FNDC3B: variants seen among roughly 807,000 people sequenced by gnomAD.
FNDC3B encodes the protein fibronectin type III domain containing 3B, also known as fibronectin type III domain-containing protein 3B.
FNDC3B carries 12 observed loss-of-function variants against 151.5 expected under a neutral mutation model. The observed-to-expected ratio is 0.08, with a 90% CI of 0.05 to 0.13. The LOEUF is 0.13. Ranked by LOEUF, FNDC3B falls within the 10% of genes least tolerant of loss-of-function variation. FNDC3B has a pLI of 1.00. For synonymous variants in FNDC3B, 528 were observed against 549.0 expected, an observed-to-expected ratio of 0.96 and a Z score of 0.54; for missense variants, 1,214 against 1,505.3, an observed-to-expected ratio of 0.81 and a Z score of 3.20.
intron 6 of FNDC3B, among the ~76,000 whole-genome samples, chr3:172,255,462 G>C (rs749730639): frequency 2.4e-4 from 37 of 152,166 alleles, no homozygotes; most frequent in Admixed American, 2.4e-3. Flanking sequence ...TAGAGATGGC[G>C]TTTCACCATG....
At chr3:172,358,947 A>G (rs1576944061) in intron 22 of FNDC3B, among the ~76,000 whole-genome samples, 1 of 118,698 alleles carries the variant, frequency 8.4e-6, no homozygotes, top group African/African-American at 3.3e-5. Context: ...ATGCTACCAC[A>G]GTTTTCTTGG....
chr3:172,217,526 A>G lies in FNDC3B; in HGVS notation c.188-9345A>G, dbSNP rs191369565. 9.6e-4 allele frequency among the ~76,000 whole-genome samples: 143 copies of G among 149,606 alleles called. 1 individual carries two copies. The highest frequency in any genetic ancestry group is 3.4e-3 in the African/African-American group (139 of 40,458). ...GTAGTTTGTTGTTTATGTATGTGTT[A>G]TAAAATCTTCTGTGTGACTTTCAAT... On this transcript the variant is annotated intron_variant, in intron 3 of 25. Coordinates refer to ENST00000415807, the MANE Select transcript of FNDC3B (RefSeq NM_022763.4).
Position 172,306,006 on chromosome 3 carries a change from C to A in FNDC3B, c.1062-1357C>A, listed in dbSNP as rs1013893996. ...TTGGATCAAATTTCATGCTGTCCTC[C>A]CATAAGGCAAATAGATCAAATATGT... On this transcript the variant is annotated intron_variant, in intron 9 of 25. Transcript: ENST00000415807. Among the ~76,000 whole-genome samples the A allele has an allele frequency of 2.8e-4, 42 of 152,114 alleles. 1 individual carries two copies. Among genetic ancestry groups the A allele is most frequent in the African/African-American group, 8.9e-4 (37 of 41,410 alleles).
chr3:172,332,371 C>G (rs377228925), intron 13 of FNDC3B, among the ~76,000 whole-genome samples: 214 of 152,366 alleles, frequency 1.4e-3, no homozygotes, highest in African/African-American at 4.9e-3. Context: ...AGTTCCACCA[C>G]TGTATCCTCC....
At chr3:172,239,055 T>TTA (rs1201850989) in intron 4 of FNDC3B, among the ~76,000 whole-genome samples, 117 of 86,056 alleles carry the variant, frequency 1.4e-3, no homozygotes, top group African/African-American at 6.3e-3. Flanking sequence ...ATTAATTTAT[T>TTA]TTTTTTTTTT....
At chr3:172,322,739 G>T (rs1221613118) in intron 11 of FNDC3B, among the ~76,000 whole-genome samples, 4 of 137,370 alleles carry the variant, frequency 2.9e-5, no homozygotes, top group Non-Finnish European at 5.9e-5. Flanking sequence ...GACAGGGAGA[G>T]TGGGGGCAAA....
At chr3:172,246,660 G>A (rs1026779836) in intron 4 of FNDC3B, among the ~76,000 whole-genome samples, 2 of 152,222 alleles carry the variant, frequency 1.3e-5, no homozygotes, top group Non-Finnish European at 2.9e-5. Flanking sequence ...GCTGAGGCAG[G>A]AAGATGACTT....
At position 172,040,276 on chromosome 3, in the gene FNDC3B, G is replaced by T. The variant is rs1159121396; in HGVS notation, c.-29+505G>T. On this transcript the variant is annotated intron_variant, in intron 1 of 25. Transcript: ENST00000415807. The surrounding 1 kb of genome is among the most constrained non-coding windows in gnomAD (Gnocchi z 6.6). ...GATTTCCATATGGTGGAGGGAAGAGGGCGGGAGTGCGAAGTGGGGCTGGAA... is the reference window on the plus strand; with the variant it reads ...GATTTCCATATGGTGGAGGGAAGAGTGCGGGAGTGCGAAGTGGGGCTGGAA... Among the ~76,000 whole-genome samples, 1 of 152,050 alleles carries T rather than the reference G, an allele frequency of 6.6e-6. No homozygotes were observed. Among genetic ancestry groups the T allele is most frequent in the Non-Finnish European group, 1.5e-5 (1 of 67,988 alleles).
At chr3:172,233,690 G>A (rs1168059980) in intron 4 of FNDC3B, among the ~76,000 whole-genome samples, 3 of 152,158 alleles carry the variant, frequency 2.0e-5, no homozygotes, top group East Asian at 1.9e-4. Flanking sequence ...CACCTTCAAC[G>A]TTGTGAAAAT....
At position 172,065,264 on chromosome 3, in the gene FNDC3B, G is replaced by A. The variant is rs567595758; in HGVS notation, c.-29+25493G>A. On this transcript the variant is annotated intron_variant, in intron 1 of 25. Transcript: ENST00000415807. ...GGAGAATTGCTTGAACCTGGGAGGC[G>A]GAGGTTGCAGTGAGCTGAGATCGTG... Among the ~76,000 whole-genome samples the A allele has an allele frequency of 6.6e-5, 10 of 152,284 alleles. No homozygotes were observed. The South Asian group carries it at 1.7e-3, about 25-fold the overall frequency.
intron 7 of FNDC3B, among the ~76,000 whole-genome samples, chr3:172,290,126 C>T (rs1053808787): frequency 6.6e-6 from 1 of 152,128 alleles, no homozygotes; most frequent in African/African-American, 2.4e-5. Flanking sequence ...TTTTGTGTTC[C>T]TTTCAGCCAC....
At chr3:172,270,445 C>G (rs1297707159) in intron 6 of FNDC3B, among the ~76,000 whole-genome samples, 1 of 152,220 alleles carries the variant, frequency 6.6e-6, no homozygotes, top group East Asian at 1.9e-4. Flanking sequence ...CTCCAATTCT[C>G]TAACATGTGG....
At chr3:172,277,871 G>A (rs938106602) in intron 6 of FNDC3B, among the ~76,000 whole-genome samples, 14 of 151,978 alleles carry the variant, frequency 9.2e-5, no homozygotes, top group African/African-American at 3.4e-4. Flanking sequence ...TACCTGCCTA[G>A]TGGCTATAGG....
chr3:172,359,342 C>G (rs1734260655), intron 22 of FNDC3B, among the ~76,000 whole-genome samples: 1 of 151,890 alleles, frequency 6.6e-6, no homozygotes, highest in Admixed American at 6.6e-5. Flanking sequence ...ATTAAAGTAG[C>G]TAAGAGCTAT....
chr3:172,286,018 C>A, intron 7 of FNDC3B, 34 bp downstream of exon 7: 3 of 1,493,132 alleles, frequency 2.0e-6, no homozygotes, highest in Non-Finnish European at 1.8e-6. Context: ...ATAAATGACA[C>A]TTTTTAAAGT....
chr3:172,297,158 A>G (rs533394657), intron 8 of FNDC3B, among the ~76,000 whole-genome samples: 29 of 152,278 alleles, frequency 1.9e-4, no homozygotes, highest in African/African-American at 7.0e-4. Flanking sequence ...TTTTCAAAAG[A>G]TGCTGAAAAT....
At chr3:172,162,641 A>G (rs558722010) in intron 3 of FNDC3B, among the ~76,000 whole-genome samples, 9 of 145,234 alleles carry the variant, frequency 6.2e-5, no homozygotes, top group African/African-American at 2.1e-4. Context: ...CATTCTTGTC[A>G]ACACTTGTTA....
intron 18 of FNDC3B, among the ~76,000 whole-genome samples, chr3:172,343,623 C>T (rs1167158692): frequency 6.6e-6 from 1 of 152,178 alleles, no homozygotes. Flanking sequence ...CAGCAGTTTA[C>T]AACATGTATA....
chr3:172,290,127 T>C (rs1408448714), intron 7 of FNDC3B, among the ~76,000 whole-genome samples: 2 of 152,164 alleles, frequency 1.3e-5, no homozygotes, highest in Non-Finnish European at 2.9e-5. Context: ...TTTGTGTTCC[T>C]TTCAGCCACA....
Sources: gnomAD v4.1 joint callset for allele counts (sites outside exome capture counted in the v4.1 genomes callset) on GRCh38, gnomAD v4.1.1 for gene constraint, Gnocchi (gnomAD v3.1) non-coding constraint, MANE v1.5 for transcripts, NCBI Gene and HGNC (gene_info 2026-07-23, HGNC 2026-07-21) for gene names.